The following RARB variants were observed in gnomAD, a reference collection of about 807,000 sequenced individuals.
RARB encodes the protein retinoic acid receptor beta.
In RARB, 17 loss-of-function variants were observed where a neutral mutation model predicts 51.9. The ratio of observed to expected loss-of-function variants is 0.33; its 90% confidence interval spans 0.22 to 0.49. RARB has a LOEUF of 0.49. RARB is among the 20% of genes least tolerant of loss of function. RARB has a pLI of 0.99. For synonymous variants in RARB, 215 were observed against 195.4 expected, an observed-to-expected ratio of 1.10 and a Z score of -0.84; for missense variants, 369 against 550.8, an observed-to-expected ratio of 0.67 and a Z score of 3.30.
intron 2 of RARB, among the ~76,000 whole-genome samples, chr3:24,993,982 C>G (rs1696969768): frequency 6.6e-6 from 1 of 152,104 alleles, no homozygotes; most frequent in Non-Finnish European, 1.5e-5. Context: ...GCAGATGTGT[C>G]TTTGAAACAA....
chr3:25,487,535 C>A (rs1696531709), intron 2 of RARB, among the ~76,000 whole-genome samples: 1 of 150,654 alleles, frequency 6.6e-6, no homozygotes, highest in Non-Finnish European at 1.5e-5. Context: ...GCATGATACT[C>A]TATCCTTCCC....
chr3:25,074,108 T>C lies in RARB; in HGVS notation c.-328+13932T>C, dbSNP rs186240368. Among the ~76,000 whole-genome samples the C allele has an allele frequency of 5.3e-3, 807 of 152,348 alleles. 5 individuals carry two copies. The highest frequency in any genetic ancestry group is 8.2e-3 in the Non-Finnish European group (558 of 68,026). On this transcript the variant is annotated intron_variant, in intron 3 of 11. Coordinates refer to the RARB transcript ENST00000383772. ...AATTACGGATCTAGCTAATGCCAGTTCTAAACTAAACCAGGGATCAAATTA... is the reference window on the plus strand; with the variant it reads ...AATTACGGATCTAGCTAATGCCAGTCCTAAACTAAACCAGGGATCAAATTA...
intron 3 of RARB, among the ~76,000 whole-genome samples, chr3:25,073,095 C>CA (rs1698802695): frequency 4.6e-5 from 7 of 152,126 alleles, no homozygotes; most frequent in Admixed American, 4.6e-4. Flanking sequence ...ATGAGTAAGA[C>CA]ACCCCAGAAC....
Position 24,921,507 on chromosome 3 carries a change from G to A in RARB, c.-380+62755G>A, listed in dbSNP as rs532197879. On this transcript the variant is annotated intron_variant, in intron 2 of 11. Coordinates refer to the RARB transcript ENST00000383772. The stretch of plus-strand genomic sequence containing the variant: ...GTTTAGGTGACCTTGCACCAGCACA[G>A]CCCACCATAGGTCCTTCTAACCATG... 1.5e-4 allele frequency among the ~76,000 whole-genome samples: 23 copies of A among 152,262 alleles called. No individual in the cohort carries two copies. The East Asian group carries it at 4.4e-3, about 29-fold the overall frequency.
chr3:25,063,743 G>A (rs1698599777), intron 3 of RARB, among the ~76,000 whole-genome samples: 1 of 150,102 alleles, frequency 6.7e-6, no homozygotes, highest in East Asian at 2.0e-4. Context: ...TGAGGAAACA[G>A]ACCTTGGGAT....
chr3:25,106,451 G>GGT lies in RARB; in HGVS notation c.-327-25710_-327-25709insGT, dbSNP rs1575163102. Among the ~76,000 whole-genome samples the GGT allele has an allele frequency of 6.4e-3, 452 of 70,394 alleles. 47 individuals carry two copies. Among genetic ancestry groups the GGT allele is most frequent in the East Asian group, 0.018 (13 of 734 alleles). The allele number at this position is 70,394 out of a possible 152,430, so 46.2% of individuals were successfully genotyped here. On this transcript the variant is annotated intron_variant, in intron 3 of 11. Coordinates refer to the RARB transcript ENST00000383772. The stretch of plus-strand genomic sequence containing the variant: ...CCACCATGCCCAGCTACTGTTTTTT[G>GGT]TTTTTTGTTTTTTTTTGTTTTGTTT...
intron 5 of RARB, among the ~76,000 whole-genome samples, chr3:25,584,165 C>T (rs1239925896): frequency 3.3e-5 from 5 of 152,010 alleles, no homozygotes; most frequent in Non-Finnish European, 5.9e-5. Flanking sequence ...CCCTCCCTCC[C>T]ATCCTTCTCT....
intron 5 of RARB, among the ~76,000 whole-genome samples, chr3:25,397,932 A>G (rs1325715203): frequency 6.6e-6 from 1 of 152,060 alleles, no homozygotes; most frequent in Admixed American, 6.6e-5. Flanking sequence ...TGGTCTATAT[A>G]TTCTTAACTG....
chr3:25,326,782 C>T (rs1050242692), intron 5 of RARB, among the ~76,000 whole-genome samples: 1 of 151,788 alleles, frequency 6.6e-6, no homozygotes, highest in African/African-American at 2.4e-5. Flanking sequence ...GGCTGGATGA[C>T]AATATCAAGA....
At chr3:25,318,235 A>G (rs1036409409) in intron 5 of RARB, among the ~76,000 whole-genome samples, 6 of 152,206 alleles carry the variant, frequency 3.9e-5, no homozygotes, top group African/African-American at 7.2e-5. Flanking sequence ...GTTCACAGCC[A>G]TCACGATAGC....
At chr3:24,891,992 A>G (rs1453119217) in intron 2 of RARB, among the ~76,000 whole-genome samples, 1 of 152,044 alleles carries the variant, frequency 6.6e-6, no homozygotes, top group Non-Finnish European at 1.5e-5. Flanking sequence ...GTGAGACTAG[A>G]GGACTGCAGA....
intron 2 of RARB, among the ~76,000 whole-genome samples, chr3:24,939,158 A>G (rs762696216): frequency 4.6e-5 from 7 of 151,954 alleles, no homozygotes; most frequent in Non-Finnish European, 1.0e-4. Context: ...AATTGTTTGT[A>G]TTTTTAGTAG....
rs146980249 is a variant in RARB at position 25,122,165 on chromosome 3, T to C, written c.-327-9996T>C. ...CCCTTTCAATGATGGCATATCTTTG[T>C]GAAGCTGTTTTTCAGCAATTGTTGT... On this transcript the variant is annotated intron_variant, in intron 3 of 11. Transcript: ENST00000383772. Among the ~76,000 whole-genome samples the C allele has an allele frequency of 4.8e-3, 731 of 152,262 alleles. 5 individuals carry two copies. The highest frequency in any genetic ancestry group is 0.017 in the African/African-American group (687 of 41,552).
intron 2 of RARB, among the ~76,000 whole-genome samples, chr3:24,875,757 TAACTA>T (rs1437830216): frequency 6.6e-6 from 1 of 152,100 alleles, no homozygotes; most frequent in African/African-American, 2.4e-5. Context: ...ATAATACTAT[TAACTA>T]AATTACAGAC....
At chr3:25,138,441 C>T (rs919376007) in intron 4 of RARB, among the ~76,000 whole-genome samples, 14 of 151,868 alleles carry the variant, frequency 9.2e-5, no homozygotes, top group Admixed American at 2.0e-4. Context: ...TTTGTTGTAC[C>T]AAGGTATATA....
intron 2 of RARB, among the ~76,000 whole-genome samples, chr3:25,469,566 G>A (rs1178959271): frequency 1.3e-5 from 2 of 152,238 alleles, no homozygotes; most frequent in East Asian, 3.8e-4. Flanking sequence ...ACACAGAGTA[G>A]TTTCCCTCAT....
intron 2 of RARB, among the ~76,000 whole-genome samples, chr3:24,983,816 G>A (rs1243641367): frequency 2.6e-5 from 4 of 151,576 alleles, no homozygotes; most frequent in Non-Finnish European, 5.9e-5. Flanking sequence ...TAAATGCAGG[G>A]GGGAGAGGGA....
At chr3:24,854,042 G>A (rs1428305207) in intron 1 of RARB, among the ~76,000 whole-genome samples, 1 of 152,164 alleles carries the variant, frequency 6.6e-6, no homozygotes, top group African/African-American at 2.4e-5. Flanking sequence ...TTTGAAAATG[G>A]GAATTGTGTG....
chr3:24,952,989 T>A (rs1695931206), intron 2 of RARB, among the ~76,000 whole-genome samples: 1 of 152,198 alleles, frequency 6.6e-6, no homozygotes, highest in Admixed American at 6.5e-5. Context: ...ATTTATATAG[T>A]ATAGCCTATT....
Sources: allele counts gnomAD v4.1 joint callset (sites outside exome capture counted in the v4.1 genomes callset), GRCh38; gene constraint gnomAD v4.1.1; transcripts MANE v1.5; gene names NCBI Gene and HGNC (gene_info 2026-07-23, HGNC 2026-07-21).